AMD1: variants seen among roughly 807,000 people sequenced by gnomAD.
AMD1 encodes adenosylmethionine decarboxylase 1, also known as S-adenosylmethionine decarboxylase proenzyme.
AMD1 carries 11 observed loss-of-function variants against 40.2 expected under a neutral mutation model. That is an observed-to-expected ratio of 0.27 (90% CI 0.17 to 0.45). The LOEUF (loss-of-function observed/expected upper bound fraction) is 0.45, where lower values mean the gene tolerates loss of function less well. Ranked by LOEUF, AMD1 falls within the 20% of genes least tolerant of loss-of-function variation. The probability of loss-of-function intolerance (pLI) is 1.00; values close to 1 mark genes in which losing one functional copy is unlikely to be tolerated. For synonymous variants in AMD1, 121 were observed against 130.8 expected (o/e 0.93, Z 0.51); for missense variants, 257 against 410.2 (o/e 0.63, Z 3.23).
At chr6:110,855,065 C>CTTTTTTTTTTTT in the AMD1 span, among the ~76,000 whole-genome samples, 713 of 80,416 alleles carry the variant, frequency 8.9e-3, 78 homozygotes, top group South Asian at 0.019. Context: ...CTCTCTCTCT[C>CTTTTTTTTTTTT]TTTTTTTTTT....
At chr6:110,847,096 T>G in the AMD1 span, among the ~76,000 whole-genome samples, 1 of 150,550 alleles carries the variant, frequency 6.6e-6, no homozygotes, top group African/African-American at 2.4e-5. Flanking sequence ...GTGTATAAAT[T>G]TATAAATTTA....
chr6:110,842,536 T>A, the AMD1 span, among the ~76,000 whole-genome samples: 1 of 152,202 alleles, frequency 6.6e-6, no homozygotes, highest in Non-Finnish European at 1.5e-5. Flanking sequence ...GCTATTGCTT[T>A]GAGTAATAAA....
At chr6:110,859,591 C>T in the AMD1 span, among the ~76,000 whole-genome samples, 11 of 152,000 alleles carry the variant, frequency 7.2e-5, no homozygotes, top group South Asian at 2.1e-4. Flanking sequence ...AGGAATGGGG[C>T]GGGGACAGTG....
At chr6:110,827,392 C>T in the AMD1 span, among the ~76,000 whole-genome samples, 2 of 151,942 alleles carry the variant, frequency 1.3e-5, no homozygotes, top group Non-Finnish European at 2.9e-5. Flanking sequence ...ATCCTCCCAC[C>T]TCAGCCTCCC....
At chr6:110,816,661 C>A in the AMD1 span, among the ~76,000 whole-genome samples, 2 of 151,384 alleles carry the variant, frequency 1.3e-5, no homozygotes, top group Admixed American at 6.6e-5. Context: ...ATCTGAGATA[C>A]TTTTATCTGC....
At chr6:110,815,384 C>T in the AMD1 span, 4 of 376,648 alleles carry the variant, frequency 1.1e-5, no homozygotes, top group Non-Finnish European at 1.9e-5. Context: ...GCAGGCACCC[C>T]CAGTCCCGCC....
intron 1 of AMD1, among the ~76,000 whole-genome samples, chr6:110,879,813 TG>T (rs1785307393): frequency 6.6e-6 from 1 of 152,220 alleles, no homozygotes; most frequent in Non-Finnish European, 1.5e-5. Context: ...AGTAATCTAA[TG>T]ACCTGGAAGC....
At chr6:110,840,967 TATA>T in the AMD1 span, among the ~76,000 whole-genome samples, 1 of 152,228 alleles carries the variant, frequency 6.6e-6, no homozygotes, top group African/African-American at 2.4e-5. Flanking sequence ...GGCACTCTTT[TATA>T]ATGTTTCCTT....
At chr6:110,874,124 G>A (rs1229900535), upstream of AMD1, among the ~76,000 whole-genome samples, 2 of 152,342 alleles carry the variant, frequency 1.3e-5, no homozygotes, top group Non-Finnish European at 2.9e-5. Context: ...TGGGCGCCAC[G>A]TTGCTTTTCT....
intron 1 of AMD1, among the ~76,000 whole-genome samples, chr6:110,885,049 A>G (rs1326822597): frequency 6.6e-6 from 1 of 152,228 alleles, no homozygotes; most frequent in Non-Finnish European, 1.5e-5. Flanking sequence ...TCTTAATAGT[A>G]GATAATTTTT....
At chr6:110,823,611 T>C in the AMD1 span, among the ~76,000 whole-genome samples, 1 of 152,110 alleles carries the variant, frequency 6.6e-6, no homozygotes, top group Admixed American at 6.5e-5. Flanking sequence ...GAAAAAGAAT[T>C]TTCTTCTGTT....
In AMD1 at chr6:110,892,388, C is replaced by G. The variant is rs543368404; in HGVS notation, c.560C>G (p.Ala187Gly). The change falls in exon 6 of 9, where the codon GCA (alanine) becomes GGA (glycine). Residue 187 changes from alanine to glycine, a missense_variant. Ala to Gly is a moderately conservative substitution (Grantham distance 60, BLOSUM62 0). This residue lies in a region of AMD1 where 192 missense variants were observed against 296.5 expected (regional missense o/e 0.65). Transcript: ENST00000368885. ...ATTCTGATGAGTGAGCTTGACCCAGCAGTTATGGACCAGTTCTACATGAAA... is the reference window on the plus strand; with the variant it reads ...ATTCTGATGAGTGAGCTTGACCCAGGAGTTATGGACCAGTTCTACATGAAA... ...LEILMSELDP[A>G]VMDQFYMKDG... is the part of the protein sequence containing the mutation. 2 of 1,612,662 alleles carry G rather than the reference C, an allele frequency of 1.2e-6. No homozygotes were observed. Among genetic ancestry groups the G allele is most frequent in the South Asian group, 2.2e-5 (2 of 91,006 alleles).
chr6:110,836,037 A>AAAAAAAAAAC, the AMD1 span, among the ~76,000 whole-genome samples: 1 of 149,252 alleles, frequency 6.7e-6, no homozygotes, highest in Admixed American at 6.7e-5. Context: ...AAAAAAAAAA[A>AAAAAAAAAAC]TCACTGAAGC....
intron 1 of AMD1, among the ~76,000 whole-genome samples, chr6:110,882,813 A>G (rs889585757): frequency 6.6e-6 from 1 of 152,206 alleles, no homozygotes; most frequent in African/African-American, 2.4e-5. Context: ...TTAACTGATG[A>G]TGAGTGAGTA....
At chr6:110,861,604 G>A in the AMD1 span, among the ~76,000 whole-genome samples, 1 of 152,076 alleles carries the variant, frequency 6.6e-6, no homozygotes, top group Admixed American at 6.6e-5. Flanking sequence ...CACTTTGGGG[G>A]GCCAAAGTGG....
At chr6:110,831,806 A>G in the AMD1 span, among the ~76,000 whole-genome samples, 2 of 152,174 alleles carry the variant, frequency 1.3e-5, no homozygotes, top group Non-Finnish European at 2.9e-5. Context: ...TGGAGTGGAT[A>G]AGAGAAAATC....
rs1562341055 is a variant in AMD1 at position 110,892,892 on chromosome 6, G to A, written c.709-18G>A. 6.8e-7 allele frequency: 1 copy of A among 1,473,238 alleles called. No homozygotes were observed. The highest frequency in any genetic ancestry group is 1.4e-5 in the African/African-American group (1 of 73,048). 91.3% of individuals were successfully genotyped at this position (1,473,238 alleles called of 1,614,324 possible). A position where few individuals can be genotyped will look rare whatever the true frequency, so the allele number is the denominator to read the frequency against. Reference sequence around the variant, plus strand: ...GAATAGTCTTTCCATTCTTAACACTGTGAACTTTTTCTCTCAGGGAACTTA... The same window carrying A: ...GAATAGTCTTTCCATTCTTAACACTATGAACTTTTTCTCTCAGGGAACTTA... On this transcript the variant is annotated intron_variant, in intron 7 of 8. Transcript: ENST00000368885.
At chr6:110,863,918 A>G in the AMD1 span, 10 of 495,892 alleles carry the variant, frequency 2.0e-5, no homozygotes, top group Middle Eastern at 2.1e-3. Context: ...ATAGCCAACC[A>G]AAAAAACATG....
chr6:110,853,492 A>G, the AMD1 span, among the ~76,000 whole-genome samples: 1 of 151,984 alleles, frequency 6.6e-6, no homozygotes, highest in Non-Finnish European at 1.5e-5. Context: ...ATTTTTTAGT[A>G]GAGACAGGGT....
Sources: allele counts gnomAD v4.1 joint callset (sites outside exome capture counted in the v4.1 genomes callset), GRCh38; gene constraint gnomAD v4.1.1; regional missense constraint gnomAD v4.1.1; transcripts MANE v1.5; gene names NCBI Gene and HGNC (gene_info 2026-07-23, HGNC 2026-07-21).